The following FZD3 variants were observed in gnomAD, a reference collection of about 807,000 sequenced individuals.
The protein encoded by FZD3 is frizzled class receptor 3, also known as frizzled-3.
A neutral mutation model predicts 60.7 loss-of-function variants in FZD3; 30 were observed. That is an observed-to-expected ratio of 0.49 (90% CI 0.37 to 0.67). The LOEUF is 0.67. Ranked by LOEUF, FZD3 falls within the 30% of genes least tolerant of loss-of-function variation. FZD3 has a pLI of 0.00. For synonymous variants in FZD3, 246 were observed against 275.2 expected, an observed-to-expected ratio of 0.89 and a Z score of 1.05; for missense variants, 605 against 838.7, an observed-to-expected ratio of 0.72 and a Z score of 3.44.
chr8:28,562,328 A>T (rs898335355), intron 7 of FZD3, among the ~76,000 whole-genome samples: 5 of 151,918 alleles, frequency 3.3e-5, no homozygotes. Flanking sequence ...AGGTTACTCC[A>T]ATTTCTCCTC....
chr8:28,555,419 A>G (rs1258618467), intron 6 of FZD3, among the ~76,000 whole-genome samples: 1 of 152,248 alleles, frequency 6.6e-6, no homozygotes, highest in Admixed American at 6.5e-5. Flanking sequence ...CTTTCATTTT[A>G]CAGATGAAGA....
rs1805499177 is a variant in FZD3 at position 28,555,898 on chromosome 8, A to G, written c.1714A>G (p.Arg572Gly). The change falls in exon 7 of 8, where the codon AGA becomes GGA. Residue 572 changes from arginine to glycine, a missense_variant. Arg to Gly is a moderately radical substitution (Grantham distance 125). Coordinates refer to ENST00000240093, the MANE Select transcript of FZD3 (RefSeq NM_017412.4). ...STQLAMVDDQRSKAGSIHSKV... is the reference protein window; with the variant it reads ...STQLAMVDDQGSKAGSIHSKV... ...TCAGCTGGCTATGGTGGATGATCAA[A>G]GAAGCAAAGCAGGAAGCATCCACAG... The G allele has an allele frequency of 6.2e-7, 1 of 1,614,174 alleles. No individual in the cohort carries two copies. Among genetic ancestry groups the G allele is most frequent in the Non-Finnish European group, 8.5e-7 (1 of 1,179,998 alleles).
At chr8:28,550,784 G>A (rs1055918272) in intron 5 of FZD3, among the ~76,000 whole-genome samples, 1 of 149,090 alleles carries the variant, frequency 6.7e-6, no homozygotes, top group South Asian at 2.2e-4. Flanking sequence ...GAACCACCAC[G>A]CCTGGCCTAT....
chr8:28,530,089 C>CTCTGTG lies in FZD3; in HGVS notation c.1404+1926_1404+1927insCTGTGT, dbSNP rs1163002781. 2.9e-5 allele frequency among the ~76,000 whole-genome samples: 4 copies of CTCTGTG among 138,482 alleles called. No individual in the cohort carries two copies. In the Admixed American group the frequency reaches 2.9e-4, roughly 10 times the overall value. 90.8% of individuals were successfully genotyped at this position (138,482 alleles called of 152,430 possible). On this transcript the variant is annotated intron_variant, in intron 5 of 7. Transcript: ENST00000240093. ...CAGTTTGAGCTACACTGAAATATAT[C>CTCTGTG]TGTGTGTGTGTGTGTGTGTGTGTGT...
chr8:28,514,173 TA>T (rs1804363033), intron 3 of FZD3, among the ~76,000 whole-genome samples: 1 of 152,198 alleles, frequency 6.6e-6, no homozygotes, highest in Non-Finnish European at 1.5e-5. Flanking sequence ...TAAGAATCTT[TA>T]TAATTCAGTT....
chr8:28,549,802 C>G (rs1398614434), intron 5 of FZD3, among the ~76,000 whole-genome samples: 1 of 151,988 alleles, frequency 6.6e-6, no homozygotes, highest in African/African-American at 2.4e-5. Flanking sequence ...CTATCAAATG[C>G]CTTTGTGGCA....
At chr8:28,535,390 G>A (rs557176502) in intron 5 of FZD3, among the ~76,000 whole-genome samples, 3 of 152,254 alleles carry the variant, frequency 2.0e-5, no homozygotes, top group African/African-American at 4.8e-5. Flanking sequence ...CTAACCAATA[G>A]TGATACATTA....
intron 3 of FZD3, among the ~76,000 whole-genome samples, chr8:28,507,137 C>T (rs181479801): frequency 1.2e-3 from 179 of 152,306 alleles, no homozygotes; most frequent in Non-Finnish European, 2.0e-3. Context: ...TCAAATTACT[C>T]TTGCATATTT....
rs116014210 is a variant in FZD3 at position 28,565,156 on chromosome 8, T to C, written c.*2145T>C. On this transcript the variant is annotated 3_prime_UTR_variant, in exon 8 of 8. Coordinates refer to ENST00000240093, the MANE Select transcript of FZD3 (RefSeq NM_017412.4). The stretch of plus-strand genomic sequence containing the variant: ...TCTGATAGTAATAATTTGTCTATTA[T>C]GTTATATATTTCAAAGTACATGTAT... 448 of 152,356 alleles carry C rather than the reference T, an allele frequency of 2.9e-3. 3 individuals are homozygous for C. Among genetic ancestry groups the C allele is most frequent in the African/African-American group, 0.01 (432 of 41,594 alleles). The allele number at this position is 152,356 out of a possible 1,614,324, so 9.4% of individuals were successfully genotyped here.
At chr8:28,514,706 T>C (rs1338043793) in intron 3 of FZD3, among the ~76,000 whole-genome samples, 1 of 152,234 alleles carries the variant, frequency 6.6e-6, no homozygotes, top group Non-Finnish European at 1.5e-5. Flanking sequence ...GTGTTTTGTT[T>C]TGCTTTTTAA....
chr8:28,529,563 A>G lies in FZD3; in HGVS notation c.1404+1399A>G, dbSNP rs185985835. On this transcript the variant is annotated intron_variant, in intron 5 of 7. Transcript: ENST00000240093. ...GACATGGTAACAGAAATGTACATTT[A>G]AGAAATGGTTACTGCTACAGAGAGT... 4.1e-3 allele frequency among the ~76,000 whole-genome samples: 617 copies of G among 152,308 alleles called. 2 individuals carry two copies. Among genetic ancestry groups the G allele is most frequent in the African/African-American group, 0.014 (583 of 41,552 alleles).
intron 5 of FZD3, among the ~76,000 whole-genome samples, chr8:28,543,361 T>A (rs1805217271): frequency 6.6e-6 from 1 of 151,794 alleles, no homozygotes; most frequent in Non-Finnish European, 1.5e-5. Flanking sequence ...ATTCTTTGCC[T>A]TGCCACACTC....
intron 5 of FZD3, among the ~76,000 whole-genome samples, chr8:28,531,397 A>G (rs1288362358): frequency 6.6e-6 from 1 of 152,060 alleles, no homozygotes; most frequent in Non-Finnish European, 1.5e-5. Flanking sequence ...CAATTTATTC[A>G]CTCATTTATT....
At chr8:28,507,076 A>G (rs1804160951) in intron 3 of FZD3, among the ~76,000 whole-genome samples, 1 of 152,234 alleles carries the variant, frequency 6.6e-6, no homozygotes. Flanking sequence ...TTCAAAATAT[A>G]TGAACACAAT....
intron 5 of FZD3, among the ~76,000 whole-genome samples, chr8:28,539,603 G>A (rs1390974312): frequency 6.6e-6 from 1 of 152,188 alleles, no homozygotes; most frequent in Non-Finnish European, 1.5e-5. Context: ...CTTACCAGTT[G>A]TATGACAGAC....
intron 5 of FZD3, among the ~76,000 whole-genome samples, chr8:28,537,980 G>A (rs1805061780): frequency 1.3e-5 from 2 of 151,972 alleles, no homozygotes; most frequent in Non-Finnish European, 2.9e-5. Flanking sequence ...AGCTGGGCGT[G>A]GTGGCGGGCG....
At chr8:28,558,567 A>G (rs1236019069) in intron 7 of FZD3, among the ~76,000 whole-genome samples, 1 of 151,970 alleles carries the variant, frequency 6.6e-6, no homozygotes, top group East Asian at 1.9e-4. Context: ...AGTAGCTAGG[A>G]TTACAGGCAT....
At chr8:28,515,699 T>G (rs1241796076) in intron 3 of FZD3, among the ~76,000 whole-genome samples, 3 of 152,188 alleles carry the variant, frequency 2.0e-5, no homozygotes. Context: ...TTGAGCCCAC[T>G]CCCTCAGCTC....
At chr8:28,549,535 C>T (rs1412643710) in intron 5 of FZD3, among the ~76,000 whole-genome samples, 1 of 152,056 alleles carries the variant, frequency 6.6e-6, no homozygotes. Context: ...ATTGCCTCCT[C>T]CTTTCTAGTT....
Sources: gnomAD v4.1 joint callset for allele counts (sites outside exome capture counted in the v4.1 genomes callset) on GRCh38, gnomAD v4.1.1 for gene constraint, MANE v1.5 for transcripts, NCBI Gene and HGNC (gene_info 2026-07-23, HGNC 2026-07-21) for gene names.